The following KCNIP4 variants were observed in gnomAD, a reference collection of about 807,000 sequenced individuals.
KCNIP4 encodes potassium voltage-gated channel interacting protein 4, also known as Kv channel-interacting protein 4.
In KCNIP4, 12 loss-of-function variants were observed where a neutral mutation model predicts 34.0. That is an observed-to-expected ratio of 0.35 (90% CI 0.23 to 0.57). The LOEUF is 0.57. Ranked by LOEUF, KCNIP4 falls within the 20% of genes least tolerant of loss-of-function variation. The pLI, the probability that KCNIP4 is intolerant of heterozygous loss-of-function variation, is 0.83. For missense variants in KCNIP4, 238 were observed against 311.7 expected, an observed-to-expected ratio of 0.76 and a Z score of 1.78; for synonymous variants, 124 against 102.2, an observed-to-expected ratio of 1.21 and a Z score of -1.29.
chr4:21,942,427 C>A (rs938008382), intron 1 of KCNIP4, among the ~76,000 whole-genome samples: 1 of 152,140 alleles, frequency 6.6e-6, no homozygotes, highest in Non-Finnish European at 1.5e-5. Flanking sequence ...GTAACAACAC[C>A]CAAAGATGAC....
intron 1 of KCNIP4, among the ~76,000 whole-genome samples, chr4:20,925,593 T>A (rs1729824434): frequency 6.6e-6 from 1 of 152,152 alleles, no homozygotes. Flanking sequence ...AGAGTAGCGA[T>A]TCTTTTATTT....
At chr4:21,665,169 T>C (rs16871692) in intron 1 of KCNIP4, among the ~76,000 whole-genome samples, 45,580 of 152,006 alleles carry the variant, frequency 0.3, 8,155 homozygotes, top group East Asian at 0.75. Flanking sequence ...AGCTTTATCG[T>C]TGGTCCTCTG....
At position 21,524,855 on chromosome 4, in the gene KCNIP4, A is replaced by G. The variant is rs535895018; in HGVS notation, c.61+423716T>C. Among the ~76,000 whole-genome samples, 8 of 152,232 alleles carry G rather than the reference A, an allele frequency of 5.3e-5. No homozygotes were observed. The South Asian group carries it at 1.7e-3, about 32-fold the overall frequency. ...TGCACATAACAGGAAGTCAATAAAT[A>G]TTTGTTGAATCCATGAATGACTTCT... On this transcript the variant is annotated intron_variant, in intron 1 of 8. Coordinates refer to ENST00000382152, the MANE Select transcript of KCNIP4 (RefSeq NM_025221.6).
intron 1 of KCNIP4, among the ~76,000 whole-genome samples, chr4:21,147,939 C>CAAA (rs377562727): frequency 1.8e-3 from 56 of 30,988 alleles, no homozygotes; most frequent in African/African-American, 4.5e-3. Flanking sequence ...AACTCCGTCT[C>CAAA]AAAAAAAAAA....
intron 1 of KCNIP4, among the ~76,000 whole-genome samples, chr4:21,150,862 G>A (rs538076518): frequency 1.1e-3 from 175 of 152,174 alleles, no homozygotes; most frequent in Admixed American, 1.8e-3. Context: ...AAAAAGAAAG[G>A]ACTCAAGTTG....
chr4:21,095,306 C>G (rs1747363486), intron 1 of KCNIP4, among the ~76,000 whole-genome samples: 1 of 152,146 alleles, frequency 6.6e-6, no homozygotes, highest in Non-Finnish European at 1.5e-5. Context: ...TTCAGAGAAG[C>G]TTCATTCCAC....
At chr4:21,524,649 TAA>T (rs1391039521) in intron 1 of KCNIP4, among the ~76,000 whole-genome samples, 2 of 152,170 alleles carry the variant, frequency 1.3e-5, no homozygotes, top group African/African-American at 2.4e-5. Flanking sequence ...GGAAACCTTC[TAA>T]GTCAGTCTCG....
rs146325816 is a variant in KCNIP4 at position 21,186,401 on chromosome 4, T to C, written c.62-303692A>G. ...TCAGAGAGTCTGTAAAGTCCTCTTA[T>C]TCTGGGGAAGTGGGTAAGAAAGTCG... is the stretch of plus-strand genomic sequence containing the variant. On this transcript the variant is annotated intron_variant, in intron 1 of 8. Transcript: ENST00000382152. Among the ~76,000 whole-genome samples the C allele has an allele frequency of 6.2e-3, 937 of 152,258 alleles. 7 individuals are homozygous for C. Among genetic ancestry groups the C allele is most frequent in the African/African-American group, 0.021 (889 of 41,550 alleles).
rs911316329 is a variant in KCNIP4, at chr4:21,792,159, A to G, written c.61+156412T>C. Among the ~76,000 whole-genome samples, 13 of 151,468 alleles carry G rather than the reference A, an allele frequency of 8.6e-5. 1 individual carries two copies. Among genetic ancestry groups the G allele is most frequent in the African/African-American group, 3.2e-4 (13 of 40,974 alleles). ...ATCTCTCTTGTTTCTCTCTCTCAAT[A>G]GACCCTAAGTTTCACAAGCACATAA... On this transcript the variant is annotated intron_variant, in intron 1 of 8. Coordinates refer to ENST00000382152, the MANE Select transcript of KCNIP4 (RefSeq NM_025221.6).
At chr4:21,898,786 G>C (rs555566916) in intron 1 of KCNIP4, among the ~76,000 whole-genome samples, 9 of 152,116 alleles carry the variant, frequency 5.9e-5, no homozygotes. Context: ...AGGGGACTTC[G>C]TCTTATAGCT....
chr4:20,884,687 T>C (rs566693451), intron 1 of KCNIP4, among the ~76,000 whole-genome samples: 73 of 151,280 alleles, frequency 4.8e-4, no homozygotes, highest in Non-Finnish European at 8.8e-4. Flanking sequence ...AACTCTCAAC[T>C]TCTGTATCCC....
chr4:21,109,893 A>T (rs1361265097), intron 1 of KCNIP4, among the ~76,000 whole-genome samples: 1 of 151,340 alleles, frequency 6.6e-6, no homozygotes, highest in African/African-American at 2.4e-5. Context: ...TAAAGTAAGA[A>T]AGAACTTAAA....
At chr4:20,941,758 T>A (rs79825951) in intron 1 of KCNIP4, among the ~76,000 whole-genome samples, 2 of 152,228 alleles carry the variant, frequency 1.3e-5, no homozygotes, top group African/African-American at 4.8e-5. Context: ...CATGAATATA[T>A]CTTCCAGAGA....
chr4:21,319,545 G>A (rs2109296884), intron 1 of KCNIP4, among the ~76,000 whole-genome samples: 1 of 152,268 alleles, frequency 6.6e-6, no homozygotes, highest in Admixed American at 6.5e-5. Context: ...GTTATGTCTA[G>A]GCCCATCATA....
At chr4:21,207,126 T>A (rs1381716946) in intron 1 of KCNIP4, among the ~76,000 whole-genome samples, 1 of 151,822 alleles carries the variant, frequency 6.6e-6, no homozygotes, top group Admixed American at 6.6e-5. Flanking sequence ...AAAATTATCT[T>A]GAATTTTACA....
intron 1 of KCNIP4, among the ~76,000 whole-genome samples, chr4:21,386,528 T>C (rs1011669180): frequency 9.9e-5 from 15 of 152,212 alleles, no homozygotes; most frequent in Non-Finnish European, 5.9e-5. Flanking sequence ...ATCAAAATTC[T>C]CAATGCATTT....
intron 1 of KCNIP4, among the ~76,000 whole-genome samples, chr4:21,761,001 A>G (rs1718011141): frequency 6.6e-6 from 1 of 152,180 alleles, no homozygotes; most frequent in Non-Finnish European, 1.5e-5. Flanking sequence ...TATAAATCTC[A>G]TAAAATTAAA....
intron 1 of KCNIP4, among the ~76,000 whole-genome samples, chr4:21,381,582 C>A (rs1350044314): frequency 1.3e-5 from 2 of 152,182 alleles, no homozygotes; most frequent in African/African-American, 4.8e-5. Context: ...AACCACTGAG[C>A]TGACAATTCC....
At chr4:21,665,044 G>A (rs1748736286) in intron 1 of KCNIP4, among the ~76,000 whole-genome samples, 1 of 152,128 alleles carries the variant, frequency 6.6e-6, no homozygotes, top group South Asian at 2.1e-4. Flanking sequence ...CTATCATATA[G>A]TATTTTTGGT....
Sources: gnomAD v4.1 joint callset for allele counts (sites outside exome capture counted in the v4.1 genomes callset) on GRCh38, gnomAD v4.1.1 for gene constraint, MANE v1.5 for transcripts, NCBI Gene and HGNC (gene_info 2026-07-23, HGNC 2026-07-21) for gene names.